The following IMMP2L variants were observed in gnomAD, a reference collection of about 807,000 sequenced individuals.
IMMP2L encodes inner mitochondrial membrane peptidase subunit 2.
In IMMP2L, 18 loss-of-function variants were observed where a neutral mutation model predicts 19.3. The ratio of observed to expected loss-of-function variants is 0.93; its 90% CI spans 0.64 to 1.38. IMMP2L has a LOEUF of 1.38. Among genes scored for constraint, IMMP2L ranks in the 40% most tolerant of loss-of-function variants. IMMP2L has a pLI of 0.00. For synonymous variants in IMMP2L, 76 were observed against 73.0 expected (o/e 1.04, Z -0.21); for missense variants, 233 against 218.2 (o/e 1.07, Z -0.43).
chr7:111,341,995 T>C lies in IMMP2L; in HGVS notation c.239+145243A>G, dbSNP rs564649525. Among the ~76,000 whole-genome samples, 24 of 152,216 alleles carry C rather than the reference T, an allele frequency of 1.6e-4. No homozygotes were observed. In the South Asian group the frequency reaches 5.0e-3, roughly 32 times the overall value. On this transcript the variant is annotated intron_variant, in intron 3 of 5. Transcript: ENST00000405709. ...TTAGACTTCCCAGACTCTAGAACCA[T>C]GAGCCAATAAATTTCTATTCATTAT...
chr7:111,051,274 G>A (rs10953678), intron 3 of IMMP2L, among the ~76,000 whole-genome samples: 116,324 of 151,972 alleles, frequency 0.77, 47,471 homozygotes, highest in Non-Finnish European at 0.9. Context: ...ATAAAACTAT[G>A]CATAGTTTTT....
intron 5 of IMMP2L, among the ~76,000 whole-genome samples, chr7:110,750,030 A>G (rs1797625611): frequency 6.6e-6 from 1 of 152,142 alleles, no homozygotes. Context: ...CAGCATAAAT[A>G]TGTCACTAAA....
At chr7:110,797,788 T>G (rs757225924) in intron 5 of IMMP2L, among the ~76,000 whole-genome samples, 1 of 152,000 alleles carries the variant, frequency 6.6e-6, no homozygotes, top group African/African-American at 2.4e-5. Context: ...ATCCTAGAAG[T>G]TGAAATCTGC....
intron 3 of IMMP2L, among the ~76,000 whole-genome samples, chr7:110,977,197 G>A (rs1563128217): frequency 6.6e-6 from 1 of 151,918 alleles, no homozygotes; most frequent in Non-Finnish European, 1.5e-5. Context: ...TACTCTGTAT[G>A]GTACTAGCTT....
intron 2 of IMMP2L, among the ~76,000 whole-genome samples, chr7:111,493,952 A>G (rs1161490253): frequency 6.6e-6 from 1 of 151,736 alleles, no homozygotes; most frequent in African/African-American, 2.4e-5. Context: ...GTGAGCCGAG[A>G]CCACGCCACT....
intron 3 of IMMP2L, among the ~76,000 whole-genome samples, chr7:111,470,519 T>C (rs1221934603): frequency 2.0e-5 from 3 of 151,790 alleles, no homozygotes; most frequent in East Asian, 3.9e-4. Context: ...GTGGCACATA[T>C]ACACCATGGA....
intron 5 of IMMP2L, among the ~76,000 whole-genome samples, chr7:110,850,706 GT>G (rs2131524712): frequency 6.8e-6 from 1 of 146,742 alleles, no homozygotes; most frequent in African/African-American, 2.5e-5. Flanking sequence ...AAAATTCTTA[GT>G]AAAAAAAAAA....
intron 4 of IMMP2L, among the ~76,000 whole-genome samples, chr7:110,927,542 G>A (rs1357147671): frequency 1.3e-5 from 2 of 152,100 alleles, no homozygotes; most frequent in African/African-American, 2.4e-5. Flanking sequence ...AGATATGACT[G>A]TAGAAGAATG....
rs201810039 is a variant in IMMP2L at position 111,492,363 on chromosome 7, A to T, written c.136-5022T>A. The T allele has an allele frequency of 9.7e-5, 95 of 981,812 alleles. 2 individuals carry two copies. The East Asian group carries it at 6.2e-3, about 64-fold the overall frequency. The allele number at this position is 981,812 out of a possible 1,614,324, so 60.8% of individuals were successfully genotyped here. ...TAGTACCACTTACCCTATCCCCCAT[A>T]CTAGAAGACTCATAAGTCAGGTCCA... On this transcript the variant is annotated intron_variant, in intron 2 of 5. Coordinates refer to ENST00000405709, the MANE Select transcript of IMMP2L (RefSeq NM_032549.4).
intron 5 of IMMP2L, among the ~76,000 whole-genome samples, chr7:110,737,107 G>A (rs1159812940): frequency 5.6e-4 from 85 of 152,300 alleles, no homozygotes; most frequent in African/African-American, 2.0e-3. Context: ...ACAGCCTGTA[G>A]AGACTCACAT....
chr7:110,838,767 A>T (rs1393262167), intron 5 of IMMP2L, among the ~76,000 whole-genome samples: 1 of 152,168 alleles, frequency 6.6e-6, no homozygotes, highest in African/African-American at 2.4e-5. Context: ...CAGAAAACAA[A>T]CTAATAAACA....
At chr7:111,223,338 A>T (rs1184949683) in intron 3 of IMMP2L, among the ~76,000 whole-genome samples, 1 of 151,250 alleles carries the variant, frequency 6.6e-6, no homozygotes, top group Non-Finnish European at 1.5e-5. Context: ...GCAAACATGG[A>T]TATATGTTAT....
At chr7:111,512,931 C>T (rs1264430897) in intron 2 of IMMP2L, among the ~76,000 whole-genome samples, 1 of 152,096 alleles carries the variant, frequency 6.6e-6, no homozygotes, top group African/African-American at 2.4e-5. Flanking sequence ...CCTTATCTCA[C>T]ACCATATACA....
intron 3 of IMMP2L, among the ~76,000 whole-genome samples, chr7:111,322,665 T>C (rs1208366873): frequency 6.6e-6 from 1 of 151,542 alleles, no homozygotes; most frequent in Non-Finnish European, 1.5e-5. Context: ...CATTTAATAG[T>C]GGTGTTCTCA....
chr7:110,966,848 T>C (rs574842553), intron 3 of IMMP2L, among the ~76,000 whole-genome samples: 6 of 152,206 alleles, frequency 3.9e-5, no homozygotes, highest in Admixed American at 3.9e-4. Context: ...ATGAAACTTA[T>C]TAAACTTCTC....
At position 110,984,751 on chromosome 7, in the gene IMMP2L, A is replaced by G. The variant is rs6958558; in HGVS notation, c.240-21186T>C. On this transcript the variant is annotated intron_variant, in intron 3 of 5. Transcript: ENST00000405709. ...AACACTTAGGAAACAAAAATCAATA[A>G]TATTTTCAAGTATGATCGTGCATCT... 4.0e-3 allele frequency among the ~76,000 whole-genome samples: 604 copies of G among 152,230 alleles called. 4 individuals carry two copies. The highest frequency in any genetic ancestry group is 0.014 in the African/African-American group (583 of 41,572).
At chr7:111,182,588 G>A (rs1333246245) in intron 3 of IMMP2L, among the ~76,000 whole-genome samples, 1 of 151,462 alleles carries the variant, frequency 6.6e-6, no homozygotes, top group Non-Finnish European at 1.5e-5. Flanking sequence ...TTAGAAAAGA[G>A]AGTACAAAGT....
chr7:110,901,470 G>C (rs1388750402), intron 4 of IMMP2L, among the ~76,000 whole-genome samples: 2 of 152,076 alleles, frequency 1.3e-5, no homozygotes, highest in African/African-American at 4.8e-5. Context: ...AGGTAACACA[G>C]TCATTTTATA....
intron 2 of IMMP2L, among the ~76,000 whole-genome samples, chr7:111,511,351 C>CA (rs886243338): frequency 4.0e-5 from 6 of 151,348 alleles, no homozygotes; most frequent in South Asian, 2.1e-4. Context: ...ACAGGCCAAG[C>CA]AAAAAAAAGG....
Sources: gnomAD v4.1 joint callset for allele counts (sites outside exome capture counted in the v4.1 genomes callset) on GRCh38, gnomAD v4.1.1 for gene constraint, MANE v1.5 for transcripts, NCBI Gene and HGNC (gene_info 2026-07-23, HGNC 2026-07-21) for gene names.